PARP8: variants seen among roughly 807,000 people sequenced by gnomAD.
PARP8 encodes protein mono-ADP-ribosyltransferase PARP8.
In PARP8, 51 loss-of-function variants were observed where a neutral mutation model predicts 124.1. The ratio of observed to expected loss-of-function variants is 0.41; its 90% CI spans 0.33 to 0.52. The LOEUF (loss-of-function observed/expected upper bound fraction) is 0.52, where lower values mean the gene tolerates loss of function less well. PARP8 is among the 20% of genes least tolerant of loss of function. The pLI, the probability that PARP8 is intolerant of heterozygous loss-of-function variation, is 0.21. For synonymous variants in PARP8, 391 were observed against 361.5 expected, an observed-to-expected ratio of 1.08 and a Z score of -0.93; for missense variants, 860 against 1,018.9, an observed-to-expected ratio of 0.84 and a Z score of 2.12.
chr5:50,835,319 G>C (rs532933612), intron 25 of PARP8, among the ~76,000 whole-genome samples: 1 of 152,294 alleles, frequency 6.6e-6, no homozygotes, highest in Non-Finnish European at 1.5e-5. Flanking sequence ...GAGGCGGGTG[G>C]ATCACCTAAG....
intron 2 of PARP8, among the ~76,000 whole-genome samples, chr5:50,693,806 T>C (rs1468486545): frequency 2.6e-5 from 4 of 151,446 alleles, no homozygotes; most frequent in Non-Finnish European, 5.9e-5. Flanking sequence ...GGATTAATTG[T>C]ATGATTAAAT....
At chr5:50,721,295 A>G (rs932175385) in intron 2 of PARP8, among the ~76,000 whole-genome samples, 12 of 152,028 alleles carry the variant, frequency 7.9e-5, no homozygotes, top group Admixed American at 2.0e-4. Flanking sequence ...TTAAACACCA[A>G]TGGGTGCAGG....
intron 3 of PARP8, among the ~76,000 whole-genome samples, chr5:50,757,666 C>T (rs563682656): frequency 6.6e-6 from 1 of 152,292 alleles, no homozygotes; most frequent in East Asian, 1.9e-4. Flanking sequence ...CTTATAGTCA[C>T]CAAATTATAT....
rs80026855 is a variant in PARP8 at position 50,806,273 on chromosome 5, G to A, written c.1575+9040G>A. Reference sequence around the variant, plus strand: ...TTCTAATACTGACAGAATGGCACCAGGCAGAGGTTCCTACTCTTGACTTGT... The same window carrying A: ...TTCTAATACTGACAGAATGGCACCAAGCAGAGGTTCCTACTCTTGACTTGT... On this transcript the variant is annotated intron_variant, in intron 14 of 25. Coordinates refer to ENST00000281631, the MANE Select transcript of PARP8 (RefSeq NM_024615.4). 5.5e-3 allele frequency among the ~76,000 whole-genome samples: 840 copies of A among 152,090 alleles called. 6 individuals are homozygous for A. The highest frequency in any genetic ancestry group is 0.019 in the African/African-American group (787 of 41,516).
chr5:50,829,879 C>G lies in PARP8; in HGVS notation c.2164-13C>G, dbSNP rs1439435291. ...AACAGACCTCTCTCTCTCTCCCACT[C>G]TTCCCATCTTAGCTCCATGGTGCAA... On this transcript the variant is annotated splice_polypyrimidine_tract_variant and intron_variant, in intron 21 of 25. Transcript: ENST00000281631. 9.4e-6 allele frequency: 15 copies of G among 1,598,218 alleles called. No individual in the cohort carries two copies. Among genetic ancestry groups the G allele is most frequent in the Non-Finnish European group, 1.2e-5 (14 of 1,171,526 alleles).
chr5:50,757,277 C>T (rs1359182862), intron 3 of PARP8: 2 of 397,658 alleles, frequency 5.0e-6, no homozygotes, highest in African/African-American at 2.1e-5. Context: ...TAAAAAAAAA[C>T]AGGCCAATAA....
chr5:50,807,158 A>C (rs1226389353), intron 14 of PARP8, among the ~76,000 whole-genome samples: 3 of 151,842 alleles, frequency 2.0e-5, no homozygotes, highest in African/African-American at 7.3e-5. Flanking sequence ...AAGTCCTAAA[A>C]TTTTAGTCAC....
At chr5:50,744,441 G>T (rs1413525612) in intron 2 of PARP8, among the ~76,000 whole-genome samples, 4 of 152,176 alleles carry the variant, frequency 2.6e-5, no homozygotes, top group Non-Finnish European at 4.4e-5. Context: ...GCTGCTTTGG[G>T]AACTCCTTTA....
intron 2 of PARP8, among the ~76,000 whole-genome samples, chr5:50,720,054 C>A (rs1211151254): frequency 3.3e-5 from 5 of 151,868 alleles, no homozygotes; most frequent in Non-Finnish European, 7.4e-5. Flanking sequence ...TCCCAACAAC[C>A]ACAATATATT....
intron 9 of PARP8, among the ~76,000 whole-genome samples, chr5:50,781,014 A>T (rs2149615760): frequency 6.6e-6 from 1 of 152,202 alleles, no homozygotes; most frequent in East Asian, 1.9e-4. Flanking sequence ...CCTCAAGTAC[A>T]TTTTATGTAA....
At chr5:50,775,256 G>C (rs1739856561) in intron 7 of PARP8, among the ~76,000 whole-genome samples, 2 of 152,166 alleles carry the variant, frequency 1.3e-5, no homozygotes, top group Admixed American at 1.3e-4. Flanking sequence ...CTGCACTCCA[G>C]CCTGGGCAAC....
rs1159056071 is a variant in PARP8, at chr5:50,844,509, T to C, written c.*2441T>C. ...ATACAATTTAGAGATTTGAACACTG[T>C]TATCATGCTTTAATTCAGTCATTCA... is the stretch of plus-strand genomic sequence containing the variant. On this transcript the variant is annotated 3_prime_UTR_variant, in exon 26 of 26. Coordinates refer to ENST00000281631, the MANE Select transcript of PARP8 (RefSeq NM_024615.4). 15 of 151,822 alleles carry C rather than the reference T, an allele frequency of 9.9e-5. No homozygotes were observed. The highest frequency in any genetic ancestry group is 9.9e-4 in the Admixed American group (15 of 15,194). The allele number at this position is 151,822 out of a possible 1,614,324, so 9.4% of individuals were successfully genotyped here.
intron 3 of PARP8, among the ~76,000 whole-genome samples, chr5:50,756,300 A>G (rs1759945395): frequency 6.6e-6 from 1 of 152,138 alleles, no homozygotes; most frequent in Non-Finnish European, 1.5e-5. Flanking sequence ...TCCAGTCAGT[A>G]TGATATTGGC....
chr5:50,800,334 G>A (rs1319378294), intron 14 of PARP8, among the ~76,000 whole-genome samples: 5 of 152,000 alleles, frequency 3.3e-5, no homozygotes, highest in Non-Finnish European at 7.4e-5. Context: ...AGTTATTTTT[G>A]GATTCTTTGT....
At position 50,844,306 on chromosome 5, in the gene PARP8, G is replaced by A. The variant is rs1748449308; in HGVS notation, c.*2238G>A. 6.6e-6 allele frequency: 1 copy of A among 151,746 alleles called. No individual in the cohort carries two copies. The highest frequency in any genetic ancestry group is 1.5e-5 in the Non-Finnish European group (1 of 67,818). 9.4% of individuals were successfully genotyped at this position (151,746 alleles called of 1,614,324 possible). A position where few individuals can be genotyped will look rare whatever the true frequency, so the allele number is the denominator to read the frequency against. ...ATGACAGATTTTGTTTCAAACAATT[G>A]CGTCAGAACCTTTGTAAGCAAATAT... is the stretch of plus-strand genomic sequence containing the variant. On this transcript the variant is annotated 3_prime_UTR_variant, in exon 26 of 26. Transcript: ENST00000281631.
At chr5:50,686,025 A>G (rs1162169078) in intron 2 of PARP8, among the ~76,000 whole-genome samples, 3 of 152,168 alleles carry the variant, frequency 2.0e-5, no homozygotes, top group Non-Finnish European at 4.4e-5. Context: ...TTTCAAAACC[A>G]ATCATGCCTT....
chr5:50,742,498 G>A (rs1758151137), intron 2 of PARP8, among the ~76,000 whole-genome samples: 1 of 152,048 alleles, frequency 6.6e-6, no homozygotes, highest in Non-Finnish European at 1.5e-5. Flanking sequence ...GGTGGTTGGT[G>A]GGAGACAGAA....
chr5:50,833,471 C>A, intron 23 of PARP8: 1 of 428,528 alleles, frequency 2.3e-6, no homozygotes, highest in South Asian at 1.7e-5. Context: ...AGTAGTGTGA[C>A]TTTAAATTTA....
intron 25 of PARP8, among the ~76,000 whole-genome samples, chr5:50,839,572 A>G (rs1202948770): frequency 6.6e-6 from 1 of 151,968 alleles, no homozygotes; most frequent in Non-Finnish European, 1.5e-5. Context: ...TTGTCCTTCA[A>G]CCCATGACTG....
Sources: gnomAD v4.1 joint callset for allele counts (sites outside exome capture counted in the v4.1 genomes callset) on GRCh38, gnomAD v4.1.1 for gene constraint, MANE v1.5 for transcripts, NCBI Gene and HGNC (gene_info 2026-07-23, HGNC 2026-07-21) for gene names.